Variants in GFRA2 observed in about 807,000 individuals in gnomAD.
GFRA2 encodes the protein GDNF family receptor alpha-2.
GFRA2 carries 17 observed loss-of-function variants against 48.3 expected under a neutral mutation model. The ratio of observed to expected loss-of-function variants is 0.35; its 90% CI spans 0.24 to 0.53. The LOEUF is 0.53. Ranked by LOEUF, GFRA2 falls within the 20% of genes least tolerant of loss-of-function variation. The pLI, the probability that GFRA2 is intolerant of heterozygous loss-of-function variation, is 0.93. For missense variants in GFRA2, 660 were observed against 637.3 expected (o/e 1.04, Z -0.38); for synonymous variants, 305 against 257.2 (o/e 1.19, Z -1.78).
At chr8:21,767,341 C>A (rs1806220914) in intron 3 of GFRA2, among the ~76,000 whole-genome samples, 2 of 152,160 alleles carry the variant, frequency 1.3e-5, no homozygotes, top group African/African-American at 2.4e-5. Flanking sequence ...ACACACACAT[C>A]CTACCATGCA....
chr8:21,783,892 A>G (rs1162039460), intron 1 of GFRA2, among the ~76,000 whole-genome samples: 2 of 151,508 alleles, frequency 1.3e-5, no homozygotes, highest in African/African-American at 4.9e-5. Context: ...TTGTCTTTCA[A>G]TGGCCTTGTT....
intron 2 of GFRA2, among the ~76,000 whole-genome samples, chr8:21,800,766 A>G (rs893585194): frequency 2.0e-5 from 3 of 152,118 alleles, no homozygotes; most frequent in African/African-American, 7.2e-5. Flanking sequence ...CTCTATACAA[A>G]TAAAAAATAA....
At chr8:21,784,570 C>A (rs1387285363) in intron 1 of GFRA2, among the ~76,000 whole-genome samples, 9 of 152,218 alleles carry the variant, frequency 5.9e-5, no homozygotes, top group South Asian at 2.1e-4. Context: ...TCCCGAGAGC[C>A]CCCAGAGAAC....
At chr8:21,772,159 A>G (rs1806467497) in intron 3 of GFRA2, among the ~76,000 whole-genome samples, 1 of 152,200 alleles carries the variant, frequency 6.6e-6, no homozygotes, top group Non-Finnish European at 1.5e-5. Flanking sequence ...TCATTCAGAC[A>G]GAAGATCTGG....
chr8:21,782,835 G>A lies in GFRA2; in HGVS notation c.105C>T (p.Arg35=), dbSNP rs1044111919. 168 of 1,571,166 alleles carry A rather than the reference G, an allele frequency of 1.1e-4. No individual in the cohort carries two copies. Among genetic ancestry groups the A allele is most frequent in the Non-Finnish European group, 1.4e-4 (164 of 1,165,258 alleles). ...SLQGPELHGW[R]PPVDCVRANE... ...TGGCCCGGACACAGTCCACTGGGGG[G>A]CGCCAGCCGTGGAGCTCGGGGCCCT... is the stretch of plus-strand genomic sequence containing the variant. Residue 35 remains arginine (R), a synonymous_variant, in exon 2 of 9, where the codon CGC becomes CGT. Coordinates refer to ENST00000524240, the MANE Select transcript of GFRA2 (RefSeq NM_001495.5).
At chr8:21,755,691 G>A (rs911143985) in intron 3 of GFRA2, among the ~76,000 whole-genome samples, 5 of 152,200 alleles carry the variant, frequency 3.3e-5, no homozygotes, top group Non-Finnish European at 7.3e-5. Context: ...AAACCTACAG[G>A]AGGACTCAGA....
In GFRA2 at chr8:21,710,667, A is replaced by C. The variant is rs138184601; in HGVS notation, c.795-4626T>G. Among the ~76,000 whole-genome samples, 4 of 152,244 alleles carry C rather than the reference A, an allele frequency of 2.6e-5. No individual in the cohort carries two copies. The East Asian group carries it at 7.7e-4, about 29-fold the overall frequency. ...ACAAGAGCACCCCCTCACTCCTCTGAGGTTATGACCTACTTCTTTCAAAGC... is the reference window on the plus strand; with the variant it reads ...ACAAGAGCACCCCCTCACTCCTCTGCGGTTATGACCTACTTCTTTCAAAGC... On this transcript the variant is annotated intron_variant, in intron 4 of 8. Coordinates refer to ENST00000524240, the MANE Select transcript of GFRA2 (RefSeq NM_001495.5).
intron 7 of GFRA2, among the ~76,000 whole-genome samples, chr8:21,701,393 C>T (rs1802470149): frequency 6.6e-6 from 1 of 152,026 alleles, no homozygotes; most frequent in African/African-American, 2.4e-5. Flanking sequence ...GACTCCGTCT[C>T]AAAAAATAAA....
chr8:21,738,164 C>T (rs1490048974), intron 4 of GFRA2, among the ~76,000 whole-genome samples: 6 of 52,506 alleles, frequency 1.1e-4, no homozygotes, highest in Non-Finnish European at 1.9e-4. Context: ...CCTCCCCCTC[C>T]TCATCCCCCT....
chr8:21,743,074 C>T (rs975476744), intron 4 of GFRA2, among the ~76,000 whole-genome samples: 32 of 152,274 alleles, frequency 2.1e-4, no homozygotes, highest in African/African-American at 7.5e-4. Context: ...CTCAACATGT[C>T]GCGGGAAATT....
chr8:21,749,959 T>C (rs1304428177), intron 4 of GFRA2, among the ~76,000 whole-genome samples: 2 of 152,142 alleles, frequency 1.3e-5, no homozygotes, highest in Admixed American at 6.5e-5. Context: ...TAGTAAGTGC[T>C]TACCAACATA....
intron 1 of GFRA2, among the ~76,000 whole-genome samples, chr8:21,808,345 G>C (rs1289406194): frequency 6.6e-6 from 1 of 152,104 alleles, no homozygotes; most frequent in Admixed American, 6.5e-5. Flanking sequence ...GTGATTTCTT[G>C]CATTTGCATA....
intron 2 of GFRA2, chr8:21,780,878 T>C (rs1017740521): frequency 1.3e-5 from 2 of 152,142 alleles, no homozygotes; most frequent in African/African-American, 4.8e-5. Flanking sequence ...GCCCAGAACT[T>C]TGGGAAACCA....
At chr8:21,726,108 G>A (rs1249031996) in intron 4 of GFRA2, among the ~76,000 whole-genome samples, 1 of 152,160 alleles carries the variant, frequency 6.6e-6, no homozygotes, top group Non-Finnish European at 1.5e-5. Context: ...CCTCTGCCAA[G>A]AACACCACAG....
Position 21,705,960 on chromosome 8 carries a change from C to T in GFRA2, c.876G>A (p.Ala292=), listed in dbSNP as rs537294186. 2.2e-5 allele frequency: 34 copies of T among 1,572,076 alleles called. No homozygotes were observed. Among genetic ancestry groups the T allele is most frequent in the Admixed American group, 7.4e-5 (4 of 54,364 alleles). The part of the protein sequence containing the change: ...VTSCPADNYQ[A]CLGSYAGMIG... Reference sequence around the variant, plus strand: ...TCATGCCAGCATAAGAGCCCAGACACGCCTGGTAATTGTCCGCAGGGCAGC... The same window carrying T: ...TCATGCCAGCATAAGAGCCCAGACATGCCTGGTAATTGTCCGCAGGGCAGC... The change falls in exon 5 of 9, where the codon GCG becomes GCA. Residue 292 remains alanine, a synonymous_variant. Coordinates refer to ENST00000524240, the MANE Select transcript of GFRA2 (RefSeq NM_001495.5).
At chr8:21,781,020 G>T (rs1806958389) in intron 2 of GFRA2, 1 of 152,080 alleles carries the variant, frequency 6.6e-6, no homozygotes, top group Non-Finnish European at 1.5e-5. Flanking sequence ...CAACACTTAG[G>T]GAGGCCGAGG....
At chr8:21,693,486 C>T (rs983249124) in intron 8 of GFRA2, 86 bp from the exon 9 acceptor site, 38 of 1,311,670 alleles carry the variant, frequency 2.9e-5, no homozygotes, top group African/African-American at 1.6e-4. Context: ...GGCAGAGAAA[C>T]GGACTCAGGA....
chr8:21,760,103 G>T (rs1287899010), intron 3 of GFRA2, among the ~76,000 whole-genome samples: 1 of 152,168 alleles, frequency 6.6e-6, no homozygotes, highest in Admixed American at 6.5e-5. Context: ...AAAAGGAAGG[G>T]TAAGGTTGCC....
chr8:21,755,392 G>A (rs571456252), intron 3 of GFRA2, among the ~76,000 whole-genome samples: 1 of 152,208 alleles, frequency 6.6e-6, no homozygotes, highest in Non-Finnish European at 1.5e-5. Context: ...AAAAAAATAA[G>A]CCTTTTACTA....
Sources: allele counts gnomAD v4.1 joint callset (sites outside exome capture counted in the v4.1 genomes callset), GRCh38; gene constraint gnomAD v4.1.1; transcripts MANE v1.5; gene names NCBI Gene and HGNC (gene_info 2026-07-23, HGNC 2026-07-21).